Variants in KAZN observed in about 807,000 individuals in gnomAD.
The protein encoded by KAZN is kazrin, periplakin interacting protein, also known as kazrin.
A neutral mutation model predicts 87.4 loss-of-function variants in KAZN; 40 were observed. That is an observed-to-expected ratio of 0.46 (90% CI 0.36 to 0.60). The LOEUF is 0.60. KAZN is among the 20% of genes least tolerant of loss of function. The probability of loss-of-function intolerance (pLI) is 0.00; values close to 1 mark genes in which losing one functional copy is unlikely to be tolerated. For synonymous variants in KAZN, 466 were observed against 458.3 expected (o/e 1.02, Z -0.22); for missense variants, 898 against 1,073.9 (o/e 0.84, Z 2.29).
At chr1:14,480,330 C>T (rs1442042274) in intron 2 of KAZN, among the ~76,000 whole-genome samples, 1 of 152,132 alleles carries the variant, frequency 6.6e-6, no homozygotes, top group African/African-American at 2.4e-5. Context: ...GAGCCCTGGG[C>T]AAGTTCCTGC....
chr1:14,631,003 G>A (rs747481470), intron 1 of KAZN, among the ~76,000 whole-genome samples: 43 of 152,250 alleles, frequency 2.8e-4, no homozygotes, highest in Non-Finnish European at 2.9e-4. Context: ...TCATCCAAGC[G>A]TATTGATCTT....
chr1:14,003,024 A>G (rs1449655990), intron 1 of KAZN, among the ~76,000 whole-genome samples: 1 of 152,250 alleles, frequency 6.6e-6, no homozygotes, highest in Non-Finnish European at 1.5e-5. Flanking sequence ...CTATGCAGCC[A>G]TAAAAAGGAA....
At position 15,042,341 on chromosome 1, in the gene KAZN, C is replaced by T. The variant is rs374474616; in HGVS notation, c.556-1648C>T. Reference sequence around the variant, plus strand: ...TGCAGGGATTTTTGTCTGGTTTGTACCAGACAAATATCCACAAATATTGGT... The same window carrying T: ...TGCAGGGATTTTTGTCTGGTTTGTATCAGACAAATATCCACAAATATTGGT... On this transcript the variant is annotated intron_variant, in intron 3 of 14. Transcript: ENST00000376030. Among the ~76,000 whole-genome samples the T allele has an allele frequency of 2.8e-4, 43 of 152,240 alleles. No homozygotes were observed. The East Asian group carries it at 5.4e-3, about 19-fold the overall frequency.
At chr1:14,767,932 G>GC (rs1644926952) in intron 1 of KAZN, among the ~76,000 whole-genome samples, 1 of 152,224 alleles carries the variant, frequency 6.6e-6, no homozygotes, top group South Asian at 2.1e-4. Context: ...TTACCGAGGT[G>GC]CCTGCAAAGT....
At chr1:14,765,074 G>A (rs1455619132) in intron 1 of KAZN, among the ~76,000 whole-genome samples, 1 of 152,180 alleles carries the variant, frequency 6.6e-6, no homozygotes, top group East Asian at 1.9e-4. Context: ...CTCTCTCCAC[G>A]ATGCCGGGCT....
chr1:15,069,684 C>CCAA (rs1349959414), intron 8 of KAZN, among the ~76,000 whole-genome samples: 3 of 152,172 alleles, frequency 2.0e-5, no homozygotes, highest in African/African-American at 7.2e-5. Flanking sequence ...TCCAAATGGT[C>CCAA]CAACTTCAAA....
chr1:15,048,831 G>A lies in KAZN; in HGVS notation c.726+4672G>A, dbSNP rs1246051723. On this transcript the variant is annotated intron_variant, in intron 4 of 14. Transcript: ENST00000376030. ...CGTTGGTCCTGGGTTGTTGGTGCTG[G>A]GTCGTTGGTCCTGGGTCGTTGGTCC... Among the ~76,000 whole-genome samples, 54 of 150,862 alleles carry A rather than the reference G, an allele frequency of 3.6e-4. 3 individuals carry two copies. Among genetic ancestry groups the A allele is most frequent in the African/African-American group, 1.3e-3 (51 of 40,612 alleles).
At chr1:14,332,479 T>A (rs889920042) in intron 2 of KAZN, among the ~76,000 whole-genome samples, 2 of 152,208 alleles carry the variant, frequency 1.3e-5, no homozygotes, top group Admixed American at 1.3e-4. Context: ...ATTTGCTGCC[T>A]CTGAAGACTT....
At chr1:14,636,562 C>T (rs1332151614) in intron 1 of KAZN, among the ~76,000 whole-genome samples, 1 of 152,198 alleles carries the variant, frequency 6.6e-6, no homozygotes, top group African/African-American at 2.4e-5. Context: ...CTGCTCTGGA[C>T]ACATCTCACC....
intron 1 of KAZN, among the ~76,000 whole-genome samples, chr1:14,782,391 T>C (rs1165173754): frequency 6.6e-6 from 1 of 151,282 alleles, no homozygotes; most frequent in Non-Finnish European, 1.5e-5. Flanking sequence ...CTACTAAAAA[T>C]ACAAAAATTA....
At chr1:14,332,553 T>A (rs150489428) in intron 2 of KAZN, among the ~76,000 whole-genome samples, 1 of 152,038 alleles carries the variant, frequency 6.6e-6, no homozygotes, top group African/African-American at 2.4e-5. Flanking sequence ...TTTTATGGAG[T>A]TGTTTTATTT....
intron 1 of KAZN, among the ~76,000 whole-genome samples, chr1:14,836,720 G>A (rs1486239523): frequency 6.6e-6 from 1 of 152,062 alleles, no homozygotes. Context: ...ATGTGGGGAG[G>A]GAAATGGAGA....
chr1:14,741,069 T>C (rs1644084001), intron 1 of KAZN, among the ~76,000 whole-genome samples: 1 of 152,164 alleles, frequency 6.6e-6, no homozygotes, highest in Non-Finnish European at 1.5e-5. Context: ...ACTCTCTCCC[T>C]TGTGCTACCA....
chr1:14,003,575 C>G (rs1370108220), intron 1 of KAZN, among the ~76,000 whole-genome samples: 1 of 151,992 alleles, frequency 6.6e-6, no homozygotes, highest in Non-Finnish European at 1.5e-5. Flanking sequence ...GAAATATACC[C>G]ACAAATATAC....
chr1:15,110,507 T>TTA (rs1557807137), intron 13 of KAZN, among the ~76,000 whole-genome samples: 2 of 138,738 alleles, frequency 1.4e-5, no homozygotes, highest in African/African-American at 5.3e-5. Context: ...GTGTGTGTAT[T>TTA]TGTGTGTTTG....
At chr1:14,279,050 C>T (rs571175136) in intron 2 of KAZN, among the ~76,000 whole-genome samples, 2 of 148,684 alleles carry the variant, frequency 1.3e-5, no homozygotes, top group South Asian at 2.1e-4. Context: ...TTTTAAGTGA[C>T]CATCTAATCT....
chr1:15,003,197 G>C (rs548674983), intron 2 of KAZN, among the ~76,000 whole-genome samples: 12 of 152,222 alleles, frequency 7.9e-5, no homozygotes, highest in Admixed American at 7.2e-4. Flanking sequence ...TAATGTCGTG[G>C]AGGTGAGCAC....
chr1:14,424,020 C>T (rs1265911510), intron 2 of KAZN, among the ~76,000 whole-genome samples: 8 of 152,198 alleles, frequency 5.3e-5, no homozygotes, highest in Non-Finnish European at 1.0e-4. Flanking sequence ...TGCCTTAAGC[C>T]CATCCTGGAC....
intron 8 of KAZN, among the ~76,000 whole-genome samples, chr1:15,082,947 AACC>A (rs1640077770): frequency 6.6e-6 from 1 of 152,018 alleles, no homozygotes; most frequent in East Asian, 1.9e-4. Flanking sequence ...CTGCATTTTT[AACC>A]ACCTCCCTGG....
Sources: gnomAD v4.1 joint callset for allele counts (sites outside exome capture counted in the v4.1 genomes callset) on GRCh38, gnomAD v4.1.1 for gene constraint, MANE v1.5 for transcripts, NCBI Gene and HGNC (gene_info 2026-07-23, HGNC 2026-07-21) for gene names.